Variants in SLIT3 observed in about 807,000 individuals in gnomAD.
SLIT3 encodes slit guidance ligand 3.
A neutral mutation model predicts 184.0 loss-of-function variants in SLIT3; 68 were observed. That is an observed-to-expected ratio of 0.37 (90% CI 0.30 to 0.45). The LOEUF is 0.45. Among genes scored for constraint, SLIT3 ranks in the 20% least tolerant of loss-of-function variants. SLIT3 has a pLI of 1.00. For missense variants in SLIT3, 1,707 were observed against 2,026.0 expected (o/e 0.84, Z 3.02); for synonymous variants, 831 against 828.6 (o/e 1.00, Z -0.05).
At position 168,702,801 on chromosome 5, in the gene SLIT3, T is replaced by C. The variant is rs113445804; in HGVS notation, c.2845-2122A>G. ...GGTGCCAAGTAGTTCCAGAGGTGCA[T>C]ATATGAGAGTGGTGGTGGCCAACAC... is the stretch of plus-strand genomic sequence containing the variant. On this transcript the variant is annotated intron_variant, in intron 26 of 35. Transcript: ENST00000519560. Among the ~76,000 whole-genome samples, 818 of 152,184 alleles carry C rather than the reference T, an allele frequency of 5.4e-3. 1 individual carries two copies. Among genetic ancestry groups the C allele is most frequent in the Non-Finnish European group, 8.7e-3 (592 of 68,012 alleles).
rs749094769 is a variant in SLIT3 at position 168,806,435 on chromosome 5, G to T, written c.935+11C>A. ...CGACAGTTGTTGGGGGTGTCAGACA[G>T]GTGCACTTACATTTCGACGATGCCC... On this transcript the variant is annotated intron_variant, in intron 9 of 35. Coordinates refer to ENST00000519560, the MANE Select transcript of SLIT3 (RefSeq NM_003062.4). 6.2e-7 allele frequency: 1 copy of T among 1,614,126 alleles called. No homozygotes were observed. The highest frequency in any genetic ancestry group is 8.5e-7 in the Non-Finnish European group (1 of 1,179,954).
intron 5 of SLIT3, among the ~76,000 whole-genome samples, chr5:168,856,449 T>C (rs896186635): frequency 6.6e-6 from 1 of 152,198 alleles, no homozygotes; most frequent in Non-Finnish European, 1.5e-5. Flanking sequence ...GAGAGAAACA[T>C]GAGGGAATTT....
At chr5:168,794,128 T>C (rs1756482416) in intron 10 of SLIT3, among the ~76,000 whole-genome samples, 1 of 152,128 alleles carries the variant, frequency 6.6e-6, no homozygotes, top group Non-Finnish European at 1.5e-5. Context: ...CTTAACCTCT[T>C]TACTGTGGGC....
chr5:168,848,409 G>C (rs1758557152), intron 5 of SLIT3, among the ~76,000 whole-genome samples: 1 of 152,288 alleles, frequency 6.6e-6, no homozygotes, highest in African/African-American at 2.4e-5. Context: ...ATTTCTATGG[G>C]TCCAGGATGA....
chr5:168,791,952 A>T (rs2113593351), intron 10 of SLIT3: 1 of 152,238 alleles, frequency 6.6e-6, no homozygotes, highest in Middle Eastern at 3.4e-3. Context: ...TGCTTCTAAG[A>T]GTTTGGCTTT....
intron 3 of SLIT3, among the ~76,000 whole-genome samples, chr5:169,236,529 G>C (rs914777888): frequency 1.3e-5 from 2 of 151,388 alleles, no homozygotes; most frequent in African/African-American, 4.9e-5. Context: ...GGAGTGCAGT[G>C]GTGTGATCTT....
chr5:168,829,862 A>AG (rs1225711600), intron 6 of SLIT3, among the ~76,000 whole-genome samples: 1 of 152,186 alleles, frequency 6.6e-6, no homozygotes, highest in Non-Finnish European at 1.5e-5. Flanking sequence ...GCGGACCTCA[A>AG]GGGGAACTCA....
intron 1 of SLIT3, among the ~76,000 whole-genome samples, chr5:169,255,169 G>C (rs1300732399): frequency 6.6e-6 from 1 of 152,186 alleles, no homozygotes; most frequent in Non-Finnish European, 1.5e-5. Context: ...AATAATAAGT[G>C]ACTGTGTTAC....
intron 3 of SLIT3, among the ~76,000 whole-genome samples, chr5:169,218,101 T>C (rs897884890): frequency 6.6e-6 from 1 of 152,236 alleles, no homozygotes; most frequent in Admixed American, 6.5e-5. Flanking sequence ...GCTTTTGGAC[T>C]TCCTTGAAGA....
chr5:168,786,190 ATG>A (rs1756148131), intron 11 of SLIT3, among the ~76,000 whole-genome samples: 1 of 152,154 alleles, frequency 6.6e-6, no homozygotes, highest in South Asian at 2.1e-4. Context: ...GTGAGTAGAA[ATG>A]GGCTCTATCC....
intron 12 of SLIT3, among the ~76,000 whole-genome samples, chr5:168,779,958 T>C (rs1007755092): frequency 6.6e-6 from 1 of 152,344 alleles, no homozygotes. Context: ...GCCCCACTGT[T>C]AGCTACTGCC....
rs1761038681 is a variant in SLIT3 at position 168,666,283 on chromosome 5, T to G, written c.*171A>C. The G allele has an allele frequency of 1.8e-6, 1 of 560,374 alleles. No individual in the cohort carries two copies. The highest frequency in any genetic ancestry group is 1.9e-5 in the African/African-American group (1 of 52,976). 34.7% of individuals were successfully genotyped at this position (560,374 alleles called of 1,614,324 possible). On this transcript the variant is annotated 3_prime_UTR_variant, in exon 36 of 36. Transcript: ENST00000519560. ...AGATGAAAATAGTCACTTTCCATAA[T>G]AAAAATAAGTTCTATTTTTTGTTTA... is the stretch of plus-strand genomic sequence containing the variant.
intron 4 of SLIT3, among the ~76,000 whole-genome samples, chr5:169,068,998 A>G (rs1043746694): frequency 1.3e-5 from 2 of 152,230 alleles, no homozygotes; most frequent in Admixed American, 1.3e-4. Context: ...GTGGATAGGC[A>G]TGAACCCTAC....
intron 3 of SLIT3, among the ~76,000 whole-genome samples, chr5:169,241,253 G>A (rs1323013087): frequency 1.3e-5 from 2 of 152,088 alleles, no homozygotes; most frequent in East Asian, 1.9e-4. Context: ...AAAGTACTTC[G>A]TAGGTGATAC....
chr5:168,881,512 A>C (rs1759952722), intron 5 of SLIT3, among the ~76,000 whole-genome samples: 1 of 152,198 alleles, frequency 6.6e-6, no homozygotes, highest in African/African-American at 2.4e-5. Context: ...ATATCACTTT[A>C]TATACGCAAA....
intron 4 of SLIT3, among the ~76,000 whole-genome samples, chr5:168,940,693 T>A (rs1762302763): frequency 6.6e-6 from 1 of 152,206 alleles, no homozygotes; most frequent in Non-Finnish European, 1.5e-5. Flanking sequence ...AAATGAATCT[T>A]CCAGATATTA....
chr5:169,058,390 G>A (rs968875578), intron 4 of SLIT3, among the ~76,000 whole-genome samples: 1 of 152,186 alleles, frequency 6.6e-6, no homozygotes, highest in Non-Finnish European at 1.5e-5. Flanking sequence ...CATTGGAAAG[G>A]CTTAGTTAGA....
chr5:168,858,977 G>A lies in SLIT3; in HGVS notation c.486-14322C>T, dbSNP rs542095026. Among the ~76,000 whole-genome samples the A allele has an allele frequency of 2.9e-3, 434 of 152,266 alleles. 2 individuals are homozygous for A. Among genetic ancestry groups the A allele is most frequent in the Non-Finnish European group, 4.7e-3 (321 of 68,018 alleles). On this transcript the variant is annotated intron_variant, in intron 5 of 35. Coordinates refer to ENST00000519560, the MANE Select transcript of SLIT3 (RefSeq NM_003062.4). ...TCTCTAAACAGAGAGTGAGGCTTGC[G>A]GTGGGGTGGACACATAGTCCTGCAA... is the stretch of plus-strand genomic sequence containing the variant.
chr5:168,979,928 T>G (rs1242713591), intron 4 of SLIT3, among the ~76,000 whole-genome samples: 1 of 152,056 alleles, frequency 6.6e-6, no homozygotes, highest in Non-Finnish European at 1.5e-5. Flanking sequence ...CATTTCTCTC[T>G]CTCTTCTTAG....
Sources: allele counts gnomAD v4.1 joint callset (sites outside exome capture counted in the v4.1 genomes callset), GRCh38; gene constraint gnomAD v4.1.1; transcripts MANE v1.5; gene names NCBI Gene and HGNC (gene_info 2026-07-23, HGNC 2026-07-21).